The following RAB38 variants were observed in gnomAD, a reference collection of about 807,000 sequenced individuals.
RAB38 encodes RAB38, member RAS oncogene family.
RAB38 carries 15 observed loss-of-function variants against 18.4 expected under a neutral mutation model. The observed-to-expected ratio is 0.82, with a 90% CI of 0.55 to 1.26. The LOEUF is 1.26. RAB38 is among the 50% of genes most tolerant of loss of function. RAB38 has a pLI of 0.00. For missense variants in RAB38, 294 were observed against 267.4 expected (o/e 1.10, Z -0.69); for synonymous variants, 101 against 104.4 (o/e 0.97, Z 0.20).
chr11:87,835,537 C>A, the RAB38 span, among the ~76,000 whole-genome samples: 2 of 152,064 alleles, frequency 1.3e-5, no homozygotes, highest in East Asian at 1.9e-4. Context: ...CATAATGTGA[C>A]CTGTTTTAGA....
At chr11:87,874,337 C>A in the RAB38 span, among the ~76,000 whole-genome samples, 1 of 151,218 alleles carries the variant, frequency 6.6e-6, no homozygotes, top group African/African-American at 2.4e-5. Context: ...ATTTGCAAGC[C>A]ATACATCTGA....
the RAB38 span, among the ~76,000 whole-genome samples, chr11:87,837,280 G>T: frequency 6.6e-6 from 1 of 152,176 alleles, no homozygotes; most frequent in Non-Finnish European, 1.5e-5. Flanking sequence ...TGTTTAAAGT[G>T]TTGGGTGCTT....
chr11:88,163,148 T>C (rs559549368), intron 1 of RAB38, among the ~76,000 whole-genome samples: 2 of 152,252 alleles, frequency 1.3e-5, no homozygotes, highest in Admixed American at 6.5e-5. Flanking sequence ...TCAATTACAC[T>C]GTAGATTCCT....
chr11:87,812,457 G>C, the RAB38 span, among the ~76,000 whole-genome samples: 2 of 152,174 alleles, frequency 1.3e-5, no homozygotes, highest in Non-Finnish European at 2.9e-5. Flanking sequence ...GGCTGAAGGA[G>C]ACATGTAGTC....
the RAB38 span, among the ~76,000 whole-genome samples, chr11:87,878,644 A>T: frequency 6.6e-6 from 1 of 151,636 alleles, no homozygotes; most frequent in South Asian, 2.1e-4. Context: ...GCTGTGCTAA[A>T]AATTGCATTT....
chr11:87,968,623 C>T, the RAB38 span, among the ~76,000 whole-genome samples: 1 of 152,134 alleles, frequency 6.6e-6, no homozygotes, highest in Admixed American at 6.6e-5. Context: ...GCTTGCACGA[C>T]AGTGGAGTTC....
chr11:87,841,157 C>G, the RAB38 span, among the ~76,000 whole-genome samples: 1 of 152,132 alleles, frequency 6.6e-6, no homozygotes, highest in African/African-American at 2.4e-5. Context: ...AGTATCAGTG[C>G]TATGGTTTGG....
At chr11:88,099,738 G>T in the RAB38 span, among the ~76,000 whole-genome samples, 2 of 151,384 alleles carry the variant, frequency 1.3e-5, no homozygotes, top group African/African-American at 2.4e-5. Flanking sequence ...AAGAGTGTTG[G>T]GTCAAATCTT....
At chr11:88,015,746 C>T in the RAB38 span, among the ~76,000 whole-genome samples, 2 of 152,098 alleles carry the variant, frequency 1.3e-5, no homozygotes, top group Non-Finnish European at 2.9e-5. Flanking sequence ...TGTTCCTAAG[C>T]TCCTGGCTCG....
chr11:88,048,502 C>T, the RAB38 span, among the ~76,000 whole-genome samples: 3 of 152,164 alleles, frequency 2.0e-5, no homozygotes, highest in African/African-American at 7.2e-5. Context: ...TTAAAAAGGA[C>T]TGGACAGTAC....
At chr11:88,020,137 C>T in the RAB38 span, among the ~76,000 whole-genome samples, 2 of 152,048 alleles carry the variant, frequency 1.3e-5, no homozygotes, top group Non-Finnish European at 2.9e-5. Context: ...CCATTTGTAT[C>T]AGGGTATATA....
At chr11:88,087,356 AT>A in the RAB38 span, among the ~76,000 whole-genome samples, 3 of 152,066 alleles carry the variant, frequency 2.0e-5, no homozygotes, top group East Asian at 5.8e-4. Flanking sequence ...AGACTGGGTA[AT>A]TTATAAATAA....
the RAB38 span, among the ~76,000 whole-genome samples, chr11:87,932,257 G>C: frequency 6.6e-6 from 1 of 151,952 alleles, no homozygotes; most frequent in Non-Finnish European, 1.5e-5. Context: ...AAACCTGCAC[G>C]TTCTGCACAT....
chr11:87,929,880 C>A, the RAB38 span, among the ~76,000 whole-genome samples: 1 of 152,062 alleles, frequency 6.6e-6, no homozygotes, highest in African/African-American at 2.4e-5. Flanking sequence ...CATGTCCCTA[C>A]AAAGGACATG....
the RAB38 span, among the ~76,000 whole-genome samples, chr11:88,083,419 G>A: frequency 6.6e-6 from 1 of 151,690 alleles, no homozygotes; most frequent in African/African-American, 2.4e-5. Flanking sequence ...TATTTTAACT[G>A]GTAGCATGCT....
At chr11:88,168,279 C>A (rs1190380750) in intron 1 of RAB38, among the ~76,000 whole-genome samples, 1 of 152,090 alleles carries the variant, frequency 6.6e-6, no homozygotes, top group Non-Finnish European at 1.5e-5. Flanking sequence ...TTCACTTTCA[C>A]CGTTCTTAAC....
At chr11:88,065,068 T>A in the RAB38 span, among the ~76,000 whole-genome samples, 14 of 152,190 alleles carry the variant, frequency 9.2e-5, no homozygotes, top group African/African-American at 3.4e-4. Context: ...GGTCTTTATA[T>A]GGGCAGACCT....
chr11:88,030,707 A>G, the RAB38 span, among the ~76,000 whole-genome samples: 1 of 152,220 alleles, frequency 6.6e-6, no homozygotes, highest in Non-Finnish European at 1.5e-5. Flanking sequence ...ATAGACCAAT[A>G]ACAGGAGCTG....
downstream of RAB38, among the ~76,000 whole-genome samples, chr11:88,112,827 G>T (rs1046240519): frequency 1.3e-5 from 2 of 151,812 alleles, no homozygotes; most frequent in Non-Finnish European, 2.9e-5. Context: ...TACGACTCCT[G>T]TGAGTGTATT....
Sources: gnomAD v4.1 joint callset for allele counts (sites outside exome capture counted in the v4.1 genomes callset) on GRCh38, gnomAD v4.1.1 for gene constraint, MANE v1.5 for transcripts, NCBI Gene and HGNC (gene_info 2026-07-23, HGNC 2026-07-21) for gene names.